SLC35F3: variants seen among roughly 807,000 people sequenced by gnomAD.
SLC35F3 encodes the protein putative thiamine transporter SLC35F3.
SLC35F3 carries 25 observed loss-of-function variants against 49.9 expected under a neutral mutation model. The observed-to-expected ratio is 0.50, with a 90% CI of 0.37 to 0.70. SLC35F3 has a LOEUF of 0.70. Ranked by LOEUF, SLC35F3 falls within the 30% of genes least tolerant of loss-of-function variation. The pLI is 0.00. For synonymous variants in SLC35F3, 275 were observed against 265.4 expected (o/e 1.04, Z -0.35); for missense variants, 525 against 639.8 (o/e 0.82, Z 1.94).
chr1:234,257,600 A>G (rs1045382527), intron 3 of SLC35F3, among the ~76,000 whole-genome samples: 1 of 152,254 alleles, frequency 6.6e-6, no homozygotes, highest in African/African-American at 2.4e-5. Context: ...TCTATATTGC[A>G]TTATAGCTGG....
chr1:233,931,948 G>A (rs1571984819), intron 2 of SLC35F3, among the ~76,000 whole-genome samples: 1 of 152,182 alleles, frequency 6.6e-6, no homozygotes, highest in Admixed American at 6.5e-5. Context: ...ATACACCATG[G>A]AATACTATGC....
At chr1:234,054,005 A>G (rs1664418945) in intron 2 of SLC35F3, among the ~76,000 whole-genome samples, 1 of 152,104 alleles carries the variant, frequency 6.6e-6, no homozygotes. Flanking sequence ...TTCTGCTGAG[A>G]GATTTGCTGT....
At chr1:233,919,520 C>T (rs1158051332) in intron 2 of SLC35F3, among the ~76,000 whole-genome samples, 1 of 152,116 alleles carries the variant, frequency 6.6e-6, no homozygotes, top group East Asian at 1.9e-4. Context: ...TAATGTTGCA[C>T]CCTAAAAATA....
At chr1:234,253,348 T>TAA (rs201475684) in intron 3 of SLC35F3, among the ~76,000 whole-genome samples, 1 of 142,088 alleles carries the variant, frequency 7.0e-6, no homozygotes, top group South Asian at 2.2e-4. Context: ...TAATAATAAT[T>TAA]AAAAAAAAAA....
intron 2 of SLC35F3, among the ~76,000 whole-genome samples, chr1:234,177,721 G>T (rs146060527): frequency 6.6e-6 from 1 of 152,312 alleles, no homozygotes; most frequent in Non-Finnish European, 1.5e-5. Flanking sequence ...TTGCAAATCA[G>T]GTGAGTTGCT....
intron 2 of SLC35F3, among the ~76,000 whole-genome samples, chr1:234,002,786 G>A (rs149852933): frequency 2.2e-4 from 34 of 152,180 alleles, no homozygotes; most frequent in African/African-American, 7.0e-4. Context: ...AAATCATTTG[G>A]ATTTCTTCTA....
rs1174515651 is a variant in SLC35F3 at position 233,939,694 on chromosome 1, A to G, written c.283+33936A>G. Among the ~76,000 whole-genome samples the G allele has an allele frequency of 2.6e-5, 4 of 152,196 alleles. No individual in the cohort carries two copies. The East Asian group carries it at 5.8e-4, about 22-fold the overall frequency. On this transcript the variant is annotated intron_variant, in intron 2 of 7. Coordinates refer to ENST00000366618, the MANE Select transcript of SLC35F3 (RefSeq NM_173508.4). ...ATGTCAGAGTGCCTTAACCATGGAC[A>G]GTGCTGATCCCTGCTCCTGGCACTT...
chr1:234,313,552 C>T (rs936676440), intron 4 of SLC35F3, among the ~76,000 whole-genome samples: 25 of 152,188 alleles, frequency 1.6e-4, no homozygotes, highest in Non-Finnish European at 8.8e-5. Flanking sequence ...CGGTCTTGGG[C>T]CACTGTGACC....
chr1:233,924,502 AT>A (rs1391281448), intron 2 of SLC35F3, among the ~76,000 whole-genome samples: 1 of 152,132 alleles, frequency 6.6e-6, no homozygotes, highest in Non-Finnish European at 1.5e-5. Flanking sequence ...CTGCCTTATC[AT>A]TTTTTATTGC....
intron 3 of SLC35F3, among the ~76,000 whole-genome samples, chr1:234,275,658 A>G (rs1668193883): frequency 6.6e-6 from 1 of 151,788 alleles, no homozygotes; most frequent in African/African-American, 2.4e-5. Flanking sequence ...ACAGACACAC[A>G]TCACTCAGGT....
intron 3 of SLC35F3, among the ~76,000 whole-genome samples, chr1:234,232,535 A>AAAAAAAAAAAAAAAAAG (rs1558268167): frequency 6.9e-6 from 1 of 144,748 alleles, no homozygotes; most frequent in Non-Finnish European, 1.5e-5. Context: ...AAAAAAAAAA[A>AAAAAAAAAAAAAAAAAG]AAAAAGAAAA....
At chr1:233,974,744 A>G (rs1228387535) in intron 2 of SLC35F3, among the ~76,000 whole-genome samples, 2 of 152,258 alleles carry the variant, frequency 1.3e-5, no homozygotes, top group Non-Finnish European at 2.9e-5. Flanking sequence ...CAGCAAAGAC[A>G]TTTGAGTTTT....
At chr1:233,985,043 C>A (rs1200515947) in intron 2 of SLC35F3, among the ~76,000 whole-genome samples, 4 of 152,092 alleles carry the variant, frequency 2.6e-5, no homozygotes, top group African/African-American at 9.7e-5. Context: ...GGGGTCCCTG[C>A]TCCATCTCCA....
intron 2 of SLC35F3, among the ~76,000 whole-genome samples, chr1:234,022,178 T>C (rs952481049): frequency 3.3e-4 from 51 of 152,330 alleles, no homozygotes; most frequent in African/African-American, 1.2e-3. Context: ...CCCTGAACCG[T>C]TGAGTTGCAG....
chr1:234,257,849 T>A (rs1198285462), intron 3 of SLC35F3, among the ~76,000 whole-genome samples: 1 of 152,200 alleles, frequency 6.6e-6, no homozygotes, highest in Non-Finnish European at 1.5e-5. Context: ...AAGGGGAGAT[T>A]TAACAAGCAT....
At chr1:234,026,624 T>A (rs1323859386) in intron 2 of SLC35F3, among the ~76,000 whole-genome samples, 1 of 152,096 alleles carries the variant, frequency 6.6e-6, no homozygotes, top group Non-Finnish European at 1.5e-5. Flanking sequence ...GGCTTACACC[T>A]ATAATCCCCA....
intron 2 of SLC35F3, among the ~76,000 whole-genome samples, chr1:233,913,062 A>T (rs1661908742): frequency 6.6e-6 from 1 of 152,162 alleles, no homozygotes. Flanking sequence ...TGAAGTGTTT[A>T]TATGGTGTGA....
At chr1:234,157,826 C>T (rs1331176663) in intron 2 of SLC35F3, among the ~76,000 whole-genome samples, 1 of 152,144 alleles carries the variant, frequency 6.6e-6, no homozygotes, top group Non-Finnish European at 1.5e-5. Flanking sequence ...CATTTCTTCA[C>T]CAGAAATAAC....
chr1:234,187,619 A>G (rs975419871), intron 2 of SLC35F3, among the ~76,000 whole-genome samples: 4 of 152,242 alleles, frequency 2.6e-5, no homozygotes, highest in African/African-American at 9.6e-5. Context: ...AAGGAGGATC[A>G]TCCGCCCATG....
Sources: allele counts gnomAD v4.1 joint callset (sites outside exome capture counted in the v4.1 genomes callset), GRCh38; gene constraint gnomAD v4.1.1; transcripts MANE v1.5; gene names NCBI Gene and HGNC (gene_info 2026-07-23, HGNC 2026-07-21).